Variants in LRRC4C observed in about 807,000 individuals in gnomAD.
The protein encoded by LRRC4C is leucine rich repeat containing 4C, also known as leucine-rich repeat-containing protein 4C.
Under a neutral mutation model 33.6 loss-of-function variants are expected in LRRC4C, and 5 were observed. The observed-to-expected ratio is 0.15, with a 90% CI of 0.08 to 0.31. The LOEUF is 0.31. Among genes scored for constraint, LRRC4C ranks in the 10% least tolerant of loss-of-function variants. The probability of loss-of-function intolerance (pLI) is 1.00; values close to 1 mark genes in which losing one functional copy is unlikely to be tolerated. For synonymous variants in LRRC4C, 329 were observed against 302.0 expected (o/e 1.09, Z -0.93); for missense variants, 560 against 796.7 (o/e 0.70, Z 3.58).
At chr11:41,038,449 G>C (rs1347009990) in intron 1 of LRRC4C, among the ~76,000 whole-genome samples, 1 of 152,042 alleles carries the variant, frequency 6.6e-6, no homozygotes, top group African/African-American at 2.4e-5. Context: ...TAAATTCCTT[G>C]GGTGAGGTGT....
chr11:41,142,446 C>T (rs925651105), intron 1 of LRRC4C, among the ~76,000 whole-genome samples: 1 of 152,112 alleles, frequency 6.6e-6, no homozygotes, highest in East Asian at 1.9e-4. Context: ...TAACAAGTAC[C>T]CAAGTGATGC....
chr11:40,206,833 TG>T (rs1863192784), intron 5 of LRRC4C, among the ~76,000 whole-genome samples: 1 of 152,176 alleles, frequency 6.6e-6, no homozygotes, highest in African/African-American at 2.4e-5. Context: ...GCTCTCTTTT[TG>T]TTCTTAACAG....
At chr11:41,235,740 T>C (rs1342753567) in intron 1 of LRRC4C, among the ~76,000 whole-genome samples, 3 of 152,140 alleles carry the variant, frequency 2.0e-5, no homozygotes, top group African/African-American at 7.2e-5. Context: ...ACTGATGTCA[T>C]CTGTACTTGG....
chr11:41,015,041 C>G (rs539042030), intron 1 of LRRC4C, among the ~76,000 whole-genome samples: 51 of 152,254 alleles, frequency 3.3e-4, no homozygotes, highest in African/African-American at 1.2e-3. Context: ...TAAATGTGCA[C>G]TGTCATGCAG....
chr11:41,424,914 T>G (rs1024266841), intron 1 of LRRC4C, among the ~76,000 whole-genome samples: 1 of 151,966 alleles, frequency 6.6e-6, no homozygotes, highest in Non-Finnish European at 1.5e-5. Context: ...TAAATGATGT[T>G]GAGAATGAAT....
intron 5 of LRRC4C, among the ~76,000 whole-genome samples, chr11:40,208,800 A>C (rs889770784): frequency 4.6e-5 from 7 of 152,164 alleles, no homozygotes; most frequent in African/African-American, 1.7e-4. Flanking sequence ...GTTTTCCTAG[A>C]GTCAGCTTAT....
chr11:41,346,161 C>A (rs1379663848), intron 1 of LRRC4C, among the ~76,000 whole-genome samples: 1 of 152,106 alleles, frequency 6.6e-6, no homozygotes. Context: ...CTGGCTTGGC[C>A]AAGCACCAAA....
intron 5 of LRRC4C, among the ~76,000 whole-genome samples, chr11:40,190,933 T>C (rs1861790596): frequency 6.6e-6 from 1 of 152,154 alleles, no homozygotes; most frequent in African/African-American, 2.4e-5. Context: ...AAAGGGAGCT[T>C]GGGATATTTG....
intron 3 of LRRC4C, among the ~76,000 whole-genome samples, chr11:40,505,333 A>G (rs544624103): frequency 4.6e-5 from 7 of 152,168 alleles, no homozygotes; most frequent in Non-Finnish European, 8.8e-5. Flanking sequence ...GCTTGAGTAG[A>G]TGCAACTATA....
intron 2 of LRRC4C, among the ~76,000 whole-genome samples, chr11:40,792,101 A>C (rs375308310): frequency 4.6e-5 from 7 of 152,288 alleles, no homozygotes; most frequent in African/African-American, 1.4e-4. Flanking sequence ...AATCAATTAC[A>C]AATTTTTACT....
At chr11:40,377,044 C>G (rs1465429150) in intron 3 of LRRC4C, among the ~76,000 whole-genome samples, 1 of 152,054 alleles carries the variant, frequency 6.6e-6, no homozygotes, top group African/African-American at 2.4e-5. Context: ...ATTTGAAAAT[C>G]TTCACCATGT....
At chr11:40,949,861 T>C (rs1958611459) in intron 1 of LRRC4C, among the ~76,000 whole-genome samples, 1 of 152,008 alleles carries the variant, frequency 6.6e-6, no homozygotes, top group African/African-American at 2.4e-5. Flanking sequence ...AATTCACACA[T>C]AACAATATTA....
chr11:40,643,081 A>T (rs1942222508), intron 3 of LRRC4C, among the ~76,000 whole-genome samples: 1 of 152,212 alleles, frequency 6.6e-6, no homozygotes, highest in South Asian at 2.1e-4. Flanking sequence ...CCAAGTAATG[A>T]CATGGTGGTG....
intron 5 of LRRC4C, among the ~76,000 whole-genome samples, chr11:40,200,336 C>A (rs1862622692): frequency 6.6e-6 from 1 of 151,510 alleles, no homozygotes; most frequent in African/African-American, 2.4e-5. Flanking sequence ...TGCACTCCAG[C>A]CTGGGCGACA....
intron 5 of LRRC4C, among the ~76,000 whole-genome samples, chr11:40,188,744 A>G (rs1861603654): frequency 6.6e-6 from 1 of 152,130 alleles, no homozygotes; most frequent in African/African-American, 2.4e-5. Context: ...ACATACATCT[A>G]CATCCAATGC....
intron 3 of LRRC4C, among the ~76,000 whole-genome samples, chr11:40,528,794 A>C (rs1488647092): frequency 6.6e-6 from 1 of 152,218 alleles, no homozygotes; most frequent in Middle Eastern, 3.2e-3. Flanking sequence ...ACAATGGAAT[A>C]TTATTCAACC....
intron 1 of LRRC4C, among the ~76,000 whole-genome samples, chr11:41,313,596 G>GGAAAGA (rs1478519846): frequency 6.6e-6 from 1 of 152,086 alleles, no homozygotes; most frequent in Non-Finnish European, 1.5e-5. Flanking sequence ...AGTAATTCAG[G>GGAAAGA]GATAGAGATA....
chr11:40,142,461 C>A (rs1857438758), intron 5 of LRRC4C, among the ~76,000 whole-genome samples: 1 of 151,856 alleles, frequency 6.6e-6, no homozygotes, highest in South Asian at 2.1e-4. Flanking sequence ...TGTAGAGAGG[C>A]AAAGAAAAGG....
chr11:40,875,721 G>A (rs1954852568), intron 2 of LRRC4C, among the ~76,000 whole-genome samples: 1 of 152,040 alleles, frequency 6.6e-6, no homozygotes, highest in Non-Finnish European at 1.5e-5. Flanking sequence ...TGGCTCCAGG[G>A]ACCGGTTTCA....
Sources: gnomAD v4.1 joint callset for allele counts (sites outside exome capture counted in the v4.1 genomes callset) on GRCh38, gnomAD v4.1.1 for gene constraint, MANE v1.5 for transcripts, NCBI Gene and HGNC (gene_info 2026-07-23, HGNC 2026-07-21) for gene names.